The following TROAP variants were observed in gnomAD, a reference collection of about 807,000 sequenced individuals.
TROAP encodes the protein tastin.
Under a neutral mutation model 83.4 loss-of-function variants are expected in TROAP, and 62 were observed. The observed-to-expected ratio is 0.74, with a 90% CI of 0.61 to 0.92. The LOEUF is 0.92. Among genes scored for constraint, TROAP ranks in the 40% least tolerant of loss-of-function variants. The pLI is 0.00. For missense variants in TROAP, 876 were observed against 985.1 expected (o/e 0.89, Z 1.48); for synonymous variants, 352 against 386.4 (o/e 0.91, Z 1.04).
chr12:49,327,247 C>CACTCA lies in TROAP; in HGVS notation c.809_813dup (p.Asp272ThrfsTer18). On this transcript the variant is annotated frameshift_variant, in exon 8 of 15. Coordinates refer to ENST00000257909, the MANE Select transcript of TROAP (RefSeq NM_005480.4). LOFTEE classifies it high-confidence loss of function. ...TAAAGGAGAACGCGAGGTTGTCACT[C>CACTCA]ACTCAGATGAAGGAGGTGTGGCCTC... The CACTCA allele has an allele frequency of 6.2e-7, 1 of 1,614,202 alleles. No individual in the cohort carries two copies. Among genetic ancestry groups the CACTCA allele is most frequent in the African/African-American group, 1.3e-5 (1 of 75,070 alleles).
At position 49,329,964 on chromosome 12, in the gene TROAP, C is replaced by T. The variant is rs918604073; in HGVS notation, c.1272C>T (p.Thr424=). The change falls in exon 12 of 15, where the codon ACC becomes ACT. Residue 424 remains threonine, a synonymous_variant. Transcript: ENST00000257909. This position sits in a 1 kb window ranked among gnomAD's most constrained non-coding sequence, Gnocchi z 4.5. The stretch of plus-strand genomic sequence containing the variant: ...CTTCTGGACCCCACTCTAACAGAAC[C>T]CCCAGCCTCCAGGAGGTGAAGATTC... ...ATPSGPHSNR[T]PSLQEVKIQR... 2 of 1,614,128 alleles carry T rather than the reference C, an allele frequency of 1.2e-6. No homozygotes were observed. Among genetic ancestry groups the T allele is most frequent in the Non-Finnish European group, 1.7e-6 (2 of 1,180,010 alleles).
chr12:49,331,484 A>T, intron 14 of TROAP, 77 bp downstream of exon 14: 1 of 1,611,418 alleles, frequency 6.2e-7, no homozygotes, highest in South Asian at 1.1e-5. Flanking sequence ...ACAGGGGGCC[A>T]CCTGGGCTTC....
In TROAP at chr12:49,331,117, C is replaced by T. The variant is rs557246329; in HGVS notation, c.2099-97C>T. On this transcript the variant is annotated intron_variant, in intron 13 of 14. Transcript: ENST00000257909. ...GGGCTGCACTTCCAGCCCTGTGCTC[C>T]TAATTGGCTTGGCCGTTGGTGGGGG... The T allele has an allele frequency of 1.1e-5, 18 of 1,568,208 alleles. No homozygotes were observed. The African/African-American group carries it at 2.4e-4, about 21-fold the overall frequency.
At position 49,330,317 on chromosome 12, in the gene TROAP, T is replaced by C; in HGVS notation, c.1472T>C (p.Leu491Pro). 1 of 1,614,162 alleles carries C rather than the reference T, an allele frequency of 6.2e-7. No individual in the cohort carries two copies. Among genetic ancestry groups the C allele is most frequent in the South Asian group, 1.1e-5 (1 of 91,092 alleles). The change falls in exon 13 of 15, where the codon CTT becomes CCT. Residue 491 changes from leucine to proline, a missense_variant. This residue lies in a region of TROAP where 689 missense variants were observed against 722.6 expected (regional missense o/e 0.95). Transcript: ENST00000257909. The part of the protein sequence containing the change: ...ATEHNSGTSH[L>P]PGLLKHSGLP... ...GAGCATAACTCTGGGACTTCCCACC[T>C]TCCTGGACTGTTAAAACACTCAGGG...
chr12:49,331,243 GC>G lies in TROAP; in HGVS notation c.2131del (p.Leu711Ter). On this transcript the variant is annotated frameshift_variant, in exon 14 of 15. Transcript: ENST00000257909. LOFTEE classifies it high-confidence loss of function. ...GLSNLAPRTLALRERLKSCLT... is the reference protein window; with the variant it reads ...GLSNLAPRTLXLRERLKSCLT... ...CAGCAATCTGGCCCCTCGAACCCTA[GC>G]CCTGAGGGAGCGCCTCAAATCGTGT... 5.0e-6 allele frequency: 8 copies of G among 1,614,184 alleles called. No individual in the cohort carries two copies. Among genetic ancestry groups the G allele is most frequent in the Non-Finnish European group, 6.8e-6 (8 of 1,180,034 alleles).
At position 49,329,485 on chromosome 12, in the gene TROAP, T is replaced by A; in HGVS notation, c.1164+31T>A. 1.9e-6 allele frequency: 3 copies of A among 1,579,234 alleles called. No homozygotes were observed. The South Asian group carries it at 3.5e-5, about 19-fold the overall frequency. On this transcript the variant is annotated intron_variant, in intron 11 of 14. Coordinates refer to ENST00000257909, the MANE Select transcript of TROAP (RefSeq NM_005480.4). The surrounding 1 kb of genome is among the most constrained non-coding windows in gnomAD (Gnocchi z 4.5). Reference sequence around the variant, plus strand: ...TATCAGAAGCTTCCCCCTACTGAGATCCCTTGCCCTGTGCTGCCAGCCTGG... The same window carrying A: ...TATCAGAAGCTTCCCCCTACTGAGAACCCTTGCCCTGTGCTGCCAGCCTGG...
chr12:49,328,863 CAA>C (rs35700294), intron 8 of TROAP, 62 bp from the exon 9 acceptor site: 71 of 1,095,912 alleles, frequency 6.5e-5, no homozygotes, highest in South Asian at 3.0e-4. Context: ...GACTCCGTAT[CAA>C]AAAAAAAAAT....
chr12:49,325,511 G>A lies in TROAP; in HGVS notation c.348G>A (p.Gly116=). The change falls in exon 4 of 15, where the codon GGG becomes GGA. Residue 116 remains glycine, a synonymous_variant. Coordinates refer to ENST00000257909, the MANE Select transcript of TROAP (RefSeq NM_005480.4). ...PGPPAQTEAP[G]TIEFVADPAA... ...CCTCTTTCCTTGCAGAGGCTCCAGG[G>A]ACCATAGAGTTTGTGGCTGACCCTG... The A allele has an allele frequency of 6.2e-7, 1 of 1,613,730 alleles. No individual in the cohort carries two copies. The highest frequency in any genetic ancestry group is 8.5e-7 in the Non-Finnish European group (1 of 1,179,924).
chr12:49,323,415 GC>G, intron 1 of TROAP, 66 bp downstream of exon 1: 1 of 709,822 alleles, frequency 1.4e-6, no homozygotes. Flanking sequence ...GCAGTTTGGG[GC>G]CCGAGGGCGA....
rs778193902 is a variant in TROAP, at chr12:49,324,024, C to G, written c.324C>G (p.Pro108=). The G allele has an allele frequency of 6.2e-7, 1 of 1,613,460 alleles. No individual in the cohort carries two copies. The highest frequency in any genetic ancestry group is 8.5e-7 in the Non-Finnish European group (1 of 1,179,596). The part of the protein sequence containing the change: ...SPRGQNVGPG[P]PAQTEAPGTI... ...GGGGTCAAAATGTGGGGCCTGGGCC[C>G]CCTGCCCAGACAGGTACCTGTTGGA... The change falls in exon 3 of 15, where the codon CCC becomes CCG. Residue 108 remains proline (P), a synonymous_variant. Coordinates refer to ENST00000257909, the MANE Select transcript of TROAP (RefSeq NM_005480.4).
At position 49,329,298 on chromosome 12, in the gene TROAP, G is replaced by A; in HGVS notation, c.1104+54G>A. Reference sequence around the variant, plus strand: ...CATAAGTCACAGCTAGGGGAGAAAGGAGATGGATGGGTACAGGAGAGAGAA... The same window carrying A: ...CATAAGTCACAGCTAGGGGAGAAAGAAGATGGATGGGTACAGGAGAGAGAA... On this transcript the variant is annotated intron_variant, in intron 10 of 14. Coordinates refer to ENST00000257909, the MANE Select transcript of TROAP (RefSeq NM_005480.4). This position sits in a 1 kb window ranked among gnomAD's most constrained non-coding sequence, Gnocchi z 4.5. 1 of 1,613,256 alleles carries A rather than the reference G, an allele frequency of 6.2e-7. No homozygotes were observed. Among genetic ancestry groups the A allele is most frequent in the Non-Finnish European group, 8.5e-7 (1 of 1,179,148 alleles).
In TROAP at chr12:49,330,394, C is replaced by G. The variant is rs768423171; in HGVS notation, c.1549C>G (p.Pro517Ala). The G allele has an allele frequency of 6.2e-7, 1 of 1,614,174 alleles. No individual in the cohort carries two copies. The highest frequency in any genetic ancestry group is 8.5e-7 in the Non-Finnish European group (1 of 1,180,002). Residue 517 changes from proline (P) to alanine (A), a missense_variant, in exon 13 of 15, where the codon CCG becomes GCG. Physicochemically the swap from Pro to Ala is conservative, Grantham distance 27. This residue lies in a region of TROAP where 689 missense variants were observed against 722.6 expected (regional missense o/e 0.95). Coordinates refer to ENST00000257909, the MANE Select transcript of TROAP (RefSeq NM_005480.4). ...GTGCGGGGAACCACAGCCCTGCCCTCCGGCAGAGCCTGGGCCCCCAGAGGC... is the reference window on the plus strand; with the variant it reads ...GTGCGGGGAACCACAGCCCTGCCCTGCGGCAGAGCCTGGGCCCCCAGAGGC... The part of the protein sequence containing the change: ...EECGEPQPCP[P>A]AEPGPPEAFC...
chr12:49,323,719 GTGC>G lies in TROAP; in HGVS notation c.112_114del (p.Cys38del), dbSNP rs1943440895. On this transcript the variant is annotated inframe_deletion, in exon 2 of 15. Coordinates refer to ENST00000257909, the MANE Select transcript of TROAP (RefSeq NM_005480.4). ...GCACGCCTTTCCCCACTGTTACATC[GTGC>G]GCCGTGGACCAGGAGAACCAAGATC... is the stretch of plus-strand genomic sequence containing the variant. 6.2e-7 allele frequency: 1 copy of G among 1,614,048 alleles called. No individual in the cohort carries two copies. Among genetic ancestry groups the G allele is most frequent in the Non-Finnish European group, 8.5e-7 (1 of 1,180,026 alleles).
intron 3 of TROAP, 114 bp from the exon 4 acceptor site, chr12:49,325,387 G>A: frequency 3.9e-6 from 4 of 1,032,562 alleles, no homozygotes; most frequent in African/African-American, 1.7e-5. Context: ...AAAAAAATAA[G>A]CCAAATTCAA....
intron 3 of TROAP, among the ~76,000 whole-genome samples, chr12:49,325,042 C>T (rs1178924999): frequency 1.3e-5 from 2 of 151,460 alleles, no homozygotes; most frequent in Admixed American, 1.3e-4. Context: ...TCCTGAGTAG[C>T]TGGTACTACA....
intron 3 of TROAP, among the ~76,000 whole-genome samples, chr12:49,324,909 C>CTTTTTT (rs891098022): frequency 5.3e-5 from 6 of 112,552 alleles, no homozygotes; most frequent in African/African-American, 1.8e-4. Context: ...TGTTTTCTTT[C>CTTTTTT]TTTTTTTTTT....
At position 49,323,878 on chromosome 12, in the gene TROAP, C is replaced by A; in HGVS notation, c.178C>A (p.Arg60Ser). ...WVQKPPLNIQ[R>S]PLVDSAGPRP... ...GCAGAAACCACCGCTCAATATTCAACGCCCCCTCGTTGATTCAGCAGGCCC... is the reference window on the plus strand; with the variant it reads ...GCAGAAACCACCGCTCAATATTCAAAGCCCCCTCGTTGATTCAGCAGGCCC... Residue 60 changes from arginine (R) to serine (S), a missense_variant, in exon 3 of 15, where the codon CGC (arginine) becomes AGC (serine). Arg to Ser is a moderately radical substitution (Grantham distance 110). This residue lies in a region of TROAP where 689 missense variants were observed against 722.6 expected (regional missense o/e 0.95). Transcript: ENST00000257909. 1 of 1,614,064 alleles carries A rather than the reference C, an allele frequency of 6.2e-7. No homozygotes were observed. The highest frequency in any genetic ancestry group is 8.5e-7 in the Non-Finnish European group (1 of 1,180,032).
chr12:49,331,387 CTCGAATGG>C lies in TROAP; in HGVS notation c.2273_2280del (p.Leu758ProfsTer33). ...CTGCACCAACCCTGTGGCTACATTA[CTCGAATGG>C]CAGGATGCCCTGGTGAGACTCCAAC... On this transcript the variant is annotated frameshift_variant, in exon 14 of 15. Transcript: ENST00000257909. LOFTEE classifies it high-confidence loss of function. The C allele has an allele frequency of 1.2e-6, 2 of 1,613,556 alleles. No individual in the cohort carries two copies. The highest frequency in any genetic ancestry group is 1.7e-6 in the Non-Finnish European group (2 of 1,179,568).
intron 13 of TROAP, 129 bp downstream of exon 13, chr12:49,331,072 C>T (rs1943574282): frequency 6.5e-7 from 1 of 1,533,890 alleles, no homozygotes; most frequent in Non-Finnish European, 8.9e-7. Flanking sequence ...CAGCCTGGCT[C>T]TCCCTCAGGA....
Sources: gnomAD v4.1 joint callset for allele counts (sites outside exome capture counted in the v4.1 genomes callset) on GRCh38, gnomAD v4.1.1 for gene constraint, gnomAD v4.1.1 regional missense constraint, Gnocchi (gnomAD v3.1) non-coding constraint, MANE v1.5 for transcripts, NCBI Gene and HGNC (gene_info 2026-07-23, HGNC 2026-07-21) for gene names.